RUNX1: variants seen among roughly 807,000 people sequenced by gnomAD.
The protein encoded by RUNX1 is RUNX family transcription factor 1.
RUNX1 carries 19 observed loss-of-function variants against 42.8 expected under a neutral mutation model. The observed-to-expected ratio is 0.44, with a 90% CI of 0.31 to 0.65. RUNX1 has a LOEUF of 0.65. Ranked by LOEUF, RUNX1 falls within the 30% of genes least tolerant of loss-of-function variation. The probability of loss-of-function intolerance (pLI) is 0.07; values close to 1 mark genes in which losing one functional copy is unlikely to be tolerated. For synonymous variants in RUNX1, 271 were observed against 289.4 expected (o/e 0.94, Z 0.64); for missense variants, 528 against 672.0 (o/e 0.79, Z 2.37).
intron 2 of RUNX1, among the ~76,000 whole-genome samples, chr21:35,001,288 A>AT (rs891325191): frequency 3.4e-5 from 3 of 88,524 alleles, no homozygotes; most frequent in Non-Finnish European, 5.1e-5. Context: ...TTGGCCTATT[A>AT]TTTTTTTTGA....
intron 2 of RUNX1, among the ~76,000 whole-genome samples, chr21:34,928,669 G>GCA (rs2058415342): frequency 6.7e-6 from 1 of 148,536 alleles, no homozygotes; most frequent in Admixed American, 6.7e-5. Flanking sequence ...GACAGAGTGC[G>GCA]ACTCCATCTT....
chr21:35,001,281 G>T (rs2059040117), intron 2 of RUNX1, among the ~76,000 whole-genome samples: 1 of 129,124 alleles, frequency 7.7e-6, no homozygotes. Context: ...TAAGTTTTTG[G>T]CCTATTATTT....
chr21:35,006,577 A>G (rs2834725), intron 2 of RUNX1, among the ~76,000 whole-genome samples: 45,761 of 152,128 alleles, frequency 0.3, 7,821 homozygotes, highest in African/African-American at 0.45. Flanking sequence ...TCTCTGGATC[A>G]GAAGAGGAGA....
chr21:34,930,197 TTA>T (rs1341683012), intron 2 of RUNX1, among the ~76,000 whole-genome samples: 1 of 144,862 alleles, frequency 6.9e-6, no homozygotes, highest in African/African-American at 2.6e-5. Context: ...TACATATATA[TTA>T]TATATACATA....
At chr21:34,999,711 C>T (rs1420065862) in intron 2 of RUNX1, among the ~76,000 whole-genome samples, 2 of 152,172 alleles carry the variant, frequency 1.3e-5, no homozygotes, top group Non-Finnish European at 2.9e-5. Flanking sequence ...GGCCTTCAGC[C>T]CACGGAAAGC....
At position 34,902,730 on chromosome 21, in the gene RUNX1, T is replaced by G. The variant is rs374735892; in HGVS notation, c.59-9767A>C. Among the ~76,000 whole-genome samples, 60 of 152,320 alleles carry G rather than the reference T, an allele frequency of 3.9e-4. 2 individuals are homozygous for G. The East Asian group carries it at 0.01, about 26-fold the overall frequency. On this transcript the variant is annotated intron_variant, in intron 2 of 8. Transcript: ENST00000675419. ...CCTGTAGGAAGTTTGTTACTAGCCATGTGAGCAAGTTAGTTACTTACCTTG... is the reference window on the plus strand; with the variant it reads ...CCTGTAGGAAGTTTGTTACTAGCCAGGTGAGCAAGTTAGTTACTTACCTTG...
intron 3 of RUNX1, 122 bp from the exon 4 acceptor site, chr21:34,887,218 A>T: frequency 1.0e-6 from 1 of 970,686 alleles, no homozygotes; most frequent in Non-Finnish European, 1.3e-6. Context: ...ATACACGTTC[A>T]GGGGCCTTTA....
intron 3 of RUNX1, chr21:34,888,048 C>G: frequency 9.4e-7 from 1 of 1,066,314 alleles, no homozygotes; most frequent in Non-Finnish European, 1.1e-6. Context: ...GTGGCTGGTC[C>G]TCTGGTTTGT....
intron 6 of RUNX1, among the ~76,000 whole-genome samples, chr21:34,844,175 A>G (rs2057283534): frequency 6.6e-6 from 1 of 152,212 alleles, no homozygotes; most frequent in Non-Finnish European, 1.5e-5. Context: ...CTGCCCAGGG[A>G]CAGACTCTAA....
chr21:34,801,149 C>T (rs1000817134), intron 7 of RUNX1, among the ~76,000 whole-genome samples: 12 of 151,676 alleles, frequency 7.9e-5, no homozygotes, highest in African/African-American at 2.7e-4. Flanking sequence ...ATAAGACATG[C>T]GTATATACTA....
At chr21:35,043,212 A>G (rs972776707) in intron 2 of RUNX1, among the ~76,000 whole-genome samples, 1 of 151,938 alleles carries the variant, frequency 6.6e-6, no homozygotes, top group African/African-American at 2.4e-5. Context: ...CCTTTTTACC[A>G]CTCCAGGACA....
At chr21:34,847,137 CAG>C (rs1194263727) in intron 6 of RUNX1, among the ~76,000 whole-genome samples, 1 of 152,174 alleles carries the variant, frequency 6.6e-6, no homozygotes, top group Non-Finnish European at 1.5e-5. Flanking sequence ...AATGGAATAA[CAG>C]AGTTTTAGAA....
At chr21:34,963,623 TG>T (rs139808050) in intron 2 of RUNX1, among the ~76,000 whole-genome samples, 5,569 of 152,274 alleles carry the variant, frequency 0.037, 333 homozygotes, top group African/African-American at 0.13. Context: ...GGGTGGCCTT[TG>T]ATTCTCCCTC....
intron 7 of RUNX1, among the ~76,000 whole-genome samples, chr21:34,827,063 G>A (rs1348871399): frequency 4.6e-5 from 7 of 152,224 alleles, no homozygotes; most frequent in Non-Finnish European, 8.8e-5. Flanking sequence ...TGTGACCAGA[G>A]TGCTGGTAGA....
intron 2 of RUNX1, among the ~76,000 whole-genome samples, chr21:34,945,952 A>G (rs1474973725): frequency 6.6e-6 from 1 of 152,172 alleles, no homozygotes; most frequent in East Asian, 1.9e-4. Context: ...AAACTCATTG[A>G]CTGCTTCTCA....
At chr21:34,949,724 TGGAGTG>T (rs2058592938) in intron 2 of RUNX1, among the ~76,000 whole-genome samples, 2 of 152,338 alleles carry the variant, frequency 1.3e-5, no homozygotes, top group East Asian at 3.9e-4. Flanking sequence ...TGTCACAGCG[TGGAGTG>T]GGAGTGGGAA....
At chr21:35,041,807 C>T (rs1426679074) in intron 2 of RUNX1, among the ~76,000 whole-genome samples, 1 of 151,966 alleles carries the variant, frequency 6.6e-6, no homozygotes, top group Non-Finnish European at 1.5e-5. Flanking sequence ...TGTTTAAAGC[C>T]TAGATAGAGG....
At chr21:34,986,001 T>C (rs1013432142) in intron 2 of RUNX1, among the ~76,000 whole-genome samples, 1 of 151,422 alleles carries the variant, frequency 6.6e-6, no homozygotes, top group Non-Finnish European at 1.5e-5. Flanking sequence ...GCCTCCAAAG[T>C]AGCTGGTACT....
intron 7 of RUNX1, among the ~76,000 whole-genome samples, chr21:34,832,296 A>G (rs971994306): frequency 1.3e-5 from 2 of 152,040 alleles, no homozygotes; most frequent in Non-Finnish European, 2.9e-5. Context: ...ACTTCCCCCC[A>G]TTTTTTTGTT....
Sources: gnomAD v4.1 joint callset for allele counts (sites outside exome capture counted in the v4.1 genomes callset) on GRCh38, gnomAD v4.1.1 for gene constraint, MANE v1.5 for transcripts, NCBI Gene and HGNC (gene_info 2026-07-23, HGNC 2026-07-21) for gene names.